Variants in UAP1 observed in about 807,000 individuals in gnomAD.
UAP1 encodes UDP-N-acetylglucosamine pyrophosphorylase 1.
UAP1 carries 25 observed loss-of-function variants against 58.5 expected under a neutral mutation model. That is an observed-to-expected ratio of 0.43 (90% CI 0.31 to 0.60). The LOEUF (loss-of-function observed/expected upper bound fraction) is 0.60, where lower values mean the gene tolerates loss of function less well. Ranked by LOEUF, UAP1 falls within the 20% of genes least tolerant of loss-of-function variation. The probability of loss-of-function intolerance (pLI) is 0.11; values close to 1 mark genes in which losing one functional copy is unlikely to be tolerated. For synonymous variants in UAP1, 208 were observed against 213.0 expected (o/e 0.98, Z 0.21); for missense variants, 575 against 630.0 (o/e 0.91, Z 0.93).
exon 11 of UAP1, chr1:162,599,703 T>C: frequency 5.5e-6 from 1 of 181,344 alleles, no homozygotes; most frequent in South Asian, 1.6e-4. Flanking sequence ...TTTGAAGTTG[T>C]ACATAGTAAT....
intron 8 of UAP1, 98 bp downstream of exon 8, chr1:162,590,609 T>C (rs2101826331): frequency 9.5e-7 from 1 of 1,055,730 alleles, no homozygotes; most frequent in East Asian, 2.7e-5. Context: ...TAGATCTTTT[T>C]TAAAAAGCAA....
exon 3 of UAP1, chr1:162,576,921 G>A (rs114156873): frequency 2.4e-5 from 39 of 1,613,990 alleles, no homozygotes; most frequent in East Asian, 8.9e-5. Context: ...CAAGCAGAGC[G>A]TATCCTGAAG....
intron 3 of UAP1, 126 bp from the exon 4 acceptor site, chr1:162,579,302 T>C (rs1199878077): frequency 3.1e-6 from 2 of 635,676 alleles, no homozygotes; most frequent in Non-Finnish European, 4.7e-6. Flanking sequence ...AGGAAAAATA[T>C]GAAGGAAGTC....
chr1:162,589,035 CT>C (rs1250512195), intron 7 of UAP1, among the ~76,000 whole-genome samples: 546 of 126,918 alleles, frequency 4.3e-3, no homozygotes, highest in African/African-American at 0.011. Context: ...ATGAGTACAA[CT>C]TTTTTTTTTT....
intron 2 of UAP1, among the ~76,000 whole-genome samples, chr1:162,566,575 T>C (rs1244988623): frequency 6.6e-6 from 1 of 152,164 alleles, no homozygotes; most frequent in African/African-American, 2.4e-5. Context: ...TCCATACTTC[T>C]GCTAGATTTC....
intron 2 of UAP1, among the ~76,000 whole-genome samples, chr1:162,568,492 A>G (rs368196561): frequency 1.3e-5 from 2 of 152,226 alleles, no homozygotes; most frequent in South Asian, 2.1e-4. Flanking sequence ...TTAGAAGTTT[A>G]AAAACAGTTT....
In UAP1 at chr1:162,566,361, T is replaced by C; in HGVS notation, c.280+13T>C. Reference sequence around the variant, plus strand: ...TGGGAAAGTGAAGGTACTGGGCATGTACATATTTCTTACTGAAGTTTATTT... The same window carrying C: ...TGGGAAAGTGAAGGTACTGGGCATGCACATATTTCTTACTGAAGTTTATTT... On this transcript the variant is annotated intron_variant, in intron 2 of 10. Coordinates refer to ENST00000271469, the Ensembl canonical transcript of UAP1. The C allele has an allele frequency of 6.3e-7, 1 of 1,592,258 alleles. No homozygotes were observed. The highest frequency in any genetic ancestry group is 8.5e-7 in the Non-Finnish European group (1 of 1,170,316).
chr1:162,580,146 C>T (rs370686669), intron 4 of UAP1, among the ~76,000 whole-genome samples: 19 of 152,084 alleles, frequency 1.2e-4, no homozygotes, highest in Non-Finnish European at 2.1e-4. Flanking sequence ...GAATTACAGC[C>T]GTGAGCCACC....
At chr1:162,590,975 G>A (rs141218750) in intron 8 of UAP1, among the ~76,000 whole-genome samples, 1,752 of 149,436 alleles carry the variant, frequency 0.012, 37 homozygotes, top group African/African-American at 0.041. Flanking sequence ...CCAGGTTGGA[G>A]TGCAGTGGCA....
intron 3 of UAP1, among the ~76,000 whole-genome samples, chr1:162,577,856 C>T (rs535446882): frequency 8.6e-5 from 13 of 151,944 alleles, no homozygotes; most frequent in Admixed American, 2.0e-4. Context: ...GTGATCTGCC[C>T]GTCTCAGCAT....
chr1:162,599,503 A>C, exon 11 of UAP1: 1 of 503,454 alleles, frequency 2.0e-6, no homozygotes, highest in Non-Finnish European at 3.5e-6. Context: ...TCTTAGAGCT[A>C]TTGCAAACTT....
At chr1:162,586,490 A>C (rs63650862) in intron 5 of UAP1, among the ~76,000 whole-genome samples, 4 of 127,356 alleles carry the variant, frequency 3.1e-5, no homozygotes, top group Non-Finnish European at 5.2e-5. Flanking sequence ...ACGCCTGGCT[A>C]ATTTTTTTAT....
At chr1:162,571,243 C>T (rs1255068882) in intron 2 of UAP1, among the ~76,000 whole-genome samples, 2 of 152,060 alleles carry the variant, frequency 1.3e-5, no homozygotes, top group Admixed American at 1.3e-4. Context: ...ATTCTCCTGT[C>T]TCAGCCTCCC....
chr1:162,584,247 A>G (rs2101801204), intron 5 of UAP1, among the ~76,000 whole-genome samples: 1 of 152,326 alleles, frequency 6.6e-6, no homozygotes, highest in South Asian at 2.1e-4. Flanking sequence ...TGTGTCTGGC[A>G]TGTAATGTAG....
At chr1:162,574,581 G>A (rs921997681) in intron 2 of UAP1, among the ~76,000 whole-genome samples, 1 of 152,198 alleles carries the variant, frequency 6.6e-6, no homozygotes, top group African/African-American at 2.4e-5. Flanking sequence ...CAGTGGCCAG[G>A]TTTGTTCACA....
chr1:162,576,832 G>A (rs1343143626), exon 3 of UAP1: 1 of 1,614,180 alleles, frequency 6.2e-7, no homozygotes, highest in Admixed American at 1.7e-5. Flanking sequence ...CTGGTGGGCA[G>A]GGGACAAGAC....
chr1:162,577,435 CTTTTTTTTTTTTTTTT>C (rs67627704), intron 3 of UAP1, among the ~76,000 whole-genome samples: 14 of 95,214 alleles, frequency 1.5e-4, no homozygotes, highest in Admixed American at 8.2e-4. Flanking sequence ...AGTTCCTTCC[CTTTTTTTTTTTTTTTT>C]TTTTTTTTTT....
chr1:162,581,513 A>C, intron 5 of UAP1, 54 bp downstream of exon 5: 1 of 1,529,316 alleles, frequency 6.5e-7, no homozygotes, highest in East Asian at 2.3e-5. Flanking sequence ...TCTGTCATAT[A>C]CGCATTCCAG....
chr1:162,587,350 A>C, intron 5 of UAP1, 125 bp from the exon 6 acceptor site: 1 of 837,498 alleles, frequency 1.2e-6, no homozygotes, highest in Non-Finnish European at 1.9e-6. Context: ...CTAAAGTTAA[A>C]GATTCTTCTT....
Sources: gnomAD v4.1 joint callset for allele counts (sites outside exome capture counted in the v4.1 genomes callset) on GRCh38, gnomAD v4.1.1 for gene constraint, MANE v1.5 for transcripts, NCBI Gene and HGNC (gene_info 2026-07-23, HGNC 2026-07-21) for gene names.